SPRR2G: variants seen among roughly 807,000 people sequenced by gnomAD.
The protein encoded by SPRR2G is small proline rich protein 2G.
In SPRR2G, 1 loss-of-function variant was observed where a neutral mutation model predicts 0.7. The observed-to-expected ratio is 1.49, with a 90% CI of 0.53 to 7.06. SPRR2G has a LOEUF of 7.06. Among genes scored for constraint, SPRR2G ranks in the 30% most tolerant of loss-of-function variants. SPRR2G has a pLI of 0.14. For synonymous variants in SPRR2G, 38 were observed against 33.9 expected, an observed-to-expected ratio of 1.12 and a Z score of -0.42; for missense variants, 96 against 88.5, an observed-to-expected ratio of 1.09 and a Z score of -0.34.
the SPRR2G span, among the ~76,000 whole-genome samples, chr1:153,170,551 G>C: frequency 1.8e-3 from 268 of 152,194 alleles, 3 homozygotes; most frequent in Middle Eastern, 0.02. Flanking sequence ...CCTGGGTTTA[G>C]GAATCAACTC....
the SPRR2G span, among the ~76,000 whole-genome samples, chr1:153,165,821 T>A: frequency 1.3e-5 from 2 of 152,180 alleles, no homozygotes; most frequent in South Asian, 4.1e-4. Context: ...TGATAGTGTA[T>A]AAAACCTTCT....
At chr1:153,180,110 A>C in the SPRR2G span, among the ~76,000 whole-genome samples, 2 of 152,164 alleles carry the variant, frequency 1.3e-5, no homozygotes, top group Non-Finnish European at 2.9e-5. Flanking sequence ...CTAAAATTGA[A>C]GTATAAATTA....
At chr1:153,168,890 G>A in the SPRR2G span, among the ~76,000 whole-genome samples, 1 of 142,494 alleles carries the variant, frequency 7.0e-6, no homozygotes, top group African/African-American at 2.6e-5. Context: ...TCTTGACTGT[G>A]TACTCATGAG....
chr1:153,175,217 C>T, the SPRR2G span, among the ~76,000 whole-genome samples: 2 of 152,186 alleles, frequency 1.3e-5, no homozygotes, highest in Non-Finnish European at 2.9e-5. Context: ...AACTGGTCTT[C>T]AACTCCCAAT....
chr1:153,162,575 A>G, the SPRR2G span, among the ~76,000 whole-genome samples: 2 of 152,106 alleles, frequency 1.3e-5, no homozygotes, highest in African/African-American at 4.8e-5. Flanking sequence ...AAATTAGCCC[A>G]CTGAAATGGT....
At chr1:153,199,429 T>A in the SPRR2G span, among the ~76,000 whole-genome samples, 1 of 152,244 alleles carries the variant, frequency 6.6e-6, no homozygotes, top group East Asian at 1.9e-4. Context: ...GAAGGACACA[T>A]TCAAGTTCTC....
the SPRR2G span, among the ~76,000 whole-genome samples, chr1:153,197,083 A>T: frequency 6.7e-6 from 1 of 149,874 alleles, no homozygotes; most frequent in African/African-American, 2.5e-5. Context: ...AGTCCACTCC[A>T]TCCTGTGTCC....
the SPRR2G span, among the ~76,000 whole-genome samples, chr1:153,165,587 T>C: frequency 0.012 from 1,848 of 152,318 alleles, 40 homozygotes; most frequent in African/African-American, 0.042. Context: ...AAATCTAGTG[T>C]TATGTTATCT....
chr1:153,201,114 C>T, the SPRR2G span, among the ~76,000 whole-genome samples: 1 of 152,180 alleles, frequency 6.6e-6, no homozygotes, highest in African/African-American at 2.4e-5. Context: ...CGTGGAGGCC[C>T]AGCAGCCTAA....
the SPRR2G span, among the ~76,000 whole-genome samples, chr1:153,192,485 G>A: frequency 6.6e-6 from 1 of 152,196 alleles, no homozygotes; most frequent in Non-Finnish European, 1.5e-5. Flanking sequence ...CAAGAGTGGA[G>A]ATGGAAGAGA....
chr1:153,165,826 C>G, the SPRR2G span, among the ~76,000 whole-genome samples: 2 of 152,168 alleles, frequency 1.3e-5, no homozygotes, highest in Admixed American at 1.3e-4. Context: ...GTGTATAAAA[C>G]CTTCTTTGAA....
the SPRR2G span, among the ~76,000 whole-genome samples, chr1:153,159,972 G>T: frequency 6.6e-6 from 1 of 152,184 alleles, no homozygotes; most frequent in Non-Finnish European, 1.5e-5. Context: ...CAACCAGATT[G>T]TTAACCATAG....
the SPRR2G span, among the ~76,000 whole-genome samples, chr1:153,171,251 G>A: frequency 0.061 from 9,345 of 152,046 alleles, 431 homozygotes; most frequent in Middle Eastern, 0.14. Context: ...TTTCCCGGCC[G>A]TCCTGGGACT....
the SPRR2G span, among the ~76,000 whole-genome samples, chr1:153,192,148 G>T: frequency 6.6e-6 from 1 of 152,204 alleles, no homozygotes; most frequent in African/African-American, 2.4e-5. Context: ...CAGAGGGCAT[G>T]TGGGATGATG....
At chr1:153,187,958 C>A in the SPRR2G span, among the ~76,000 whole-genome samples, 1 of 152,120 alleles carries the variant, frequency 6.6e-6, no homozygotes, top group Non-Finnish European at 1.5e-5. Context: ...AACAGTCAGG[C>A]CCCTCTTCTG....
At chr1:153,157,524 A>G in the SPRR2G span, among the ~76,000 whole-genome samples, 12 of 152,170 alleles carry the variant, frequency 7.9e-5, no homozygotes, top group African/African-American at 1.4e-4. Flanking sequence ...CACATTTAAT[A>G]TACACATCTG....
At chr1:153,191,478 T>C in the SPRR2G span, 32 of 152,222 alleles carry the variant, frequency 2.1e-4, no homozygotes, top group Non-Finnish European at 4.0e-4. Context: ...TTTACATCTA[T>C]TGATATTTCT....
At chr1:153,180,930 G>A in the SPRR2G span, among the ~76,000 whole-genome samples, 1 of 152,124 alleles carries the variant, frequency 6.6e-6, no homozygotes, top group Non-Finnish European at 1.5e-5. Context: ...TGAATTGCCT[G>A]TTCAGGTTGT....
At position 153,149,891 on chromosome 1, in the gene SPRR2G, A is replaced by T. The variant is rs199500317; in HGVS notation, c.220T>A (p.Ter74LysextTer3). The change falls in exon 2 of 2, where the codon TAA becomes AAA. Residue 74 changes from the stop codon to lysine (K), a stop_lost. Transcript: ENST00000368748. ...GGTCCTGATGAATTCTAGTGATGTT[A>T]CTTGCTCTTGGGTGGATACTTCTGC... ...CQQKYPPKSK[*>K] 1 of 1,614,062 alleles carries T rather than the reference A, an allele frequency of 6.2e-7. No individual in the cohort carries two copies. The highest frequency in any genetic ancestry group is 1.7e-5 in the Admixed American group (1 of 60,012).
Sources: gnomAD v4.1 joint callset for allele counts (sites outside exome capture counted in the v4.1 genomes callset) on GRCh38, gnomAD v4.1.1 for gene constraint, MANE v1.5 for transcripts, NCBI Gene and HGNC (gene_info 2026-07-23, HGNC 2026-07-21) for gene names.